Variants in FRMD4A observed in about 807,000 individuals in gnomAD.
FRMD4A encodes the protein FERM domain-containing protein 4A.
FRMD4A carries 29 observed loss-of-function variants against 129.1 expected under a neutral mutation model. The ratio of observed to expected loss-of-function variants is 0.22; its 90% CI spans 0.17 to 0.31. The LOEUF (loss-of-function observed/expected upper bound fraction) is 0.31, where lower values mean the gene tolerates loss of function less well. Among genes scored for constraint, FRMD4A ranks in the 10% least tolerant of loss-of-function variants. The probability of loss-of-function intolerance (pLI) is 1.00; values close to 1 mark genes in which losing one functional copy is unlikely to be tolerated. For synonymous variants in FRMD4A, 634 were observed against 571.6 expected (o/e 1.11, Z -1.56); for missense variants, 1,272 against 1,375.8 (o/e 0.92, Z 1.19).
At chr10:14,020,529 C>G (rs1832693772) in intron 2 of FRMD4A, among the ~76,000 whole-genome samples, 1 of 152,212 alleles carries the variant, frequency 6.6e-6, no homozygotes, top group Admixed American at 6.5e-5. Flanking sequence ...CCCAGCAAGA[C>G]TGGGAGAGGA....
chr10:13,796,943 C>T (rs1469304846), intron 4 of FRMD4A, among the ~76,000 whole-genome samples: 1 of 152,178 alleles, frequency 6.6e-6, no homozygotes, highest in African/African-American at 2.4e-5. Context: ...TGGTCTCAAA[C>T]TCCTGACCTC....
intron 2 of FRMD4A, among the ~76,000 whole-genome samples, chr10:14,168,061 T>C (rs1354580742): frequency 6.6e-6 from 1 of 152,156 alleles, no homozygotes; most frequent in African/African-American, 2.4e-5. Context: ...TCTCAGGTGA[T>C]TGGAAGGCTA....
chr10:13,760,841 C>G (rs187074675), intron 8 of FRMD4A, among the ~76,000 whole-genome samples: 1 of 149,128 alleles, frequency 6.7e-6, no homozygotes, highest in African/African-American at 2.5e-5. Flanking sequence ...GCCTCTAAAC[C>G]TTGATTCTCC....
intron 2 of FRMD4A, among the ~76,000 whole-genome samples, chr10:14,185,665 CAGAT>C (rs762502917): frequency 1.3e-5 from 2 of 151,988 alleles, no homozygotes; most frequent in Non-Finnish European, 2.9e-5. Context: ...GTTAGCTGTG[CAGAT>C]GAGCAGAAGA....
At chr10:13,790,715 C>T (rs2092980863) in intron 5 of FRMD4A, among the ~76,000 whole-genome samples, 2 of 151,874 alleles carry the variant, frequency 1.3e-5, no homozygotes, top group South Asian at 4.2e-4. Flanking sequence ...ACGATGGCAC[C>T]AGAAGCTGGA....
chr10:13,921,665 G>A (rs2095074834), intron 2 of FRMD4A, among the ~76,000 whole-genome samples: 1 of 152,112 alleles, frequency 6.6e-6, no homozygotes, highest in African/African-American at 2.4e-5. Flanking sequence ...CAGGACCTTG[G>A]GGGCTAGGTT....
intron 2 of FRMD4A, among the ~76,000 whole-genome samples, chr10:14,323,534 C>T (rs1221392033): frequency 6.6e-6 from 1 of 152,174 alleles, no homozygotes; most frequent in Non-Finnish European, 1.5e-5. Context: ...TGCAGATTAC[C>T]TATCATGGTA....
rs149911290 is a variant in FRMD4A at position 13,707,875 on chromosome 10, G to A, written c.760-762C>T. 1,261 of 985,322 alleles carry A rather than the reference G, an allele frequency of 1.3e-3. 16 individuals carry two copies. The African/African-American group carries it at 0.021, about 16-fold the overall frequency. The allele number at this position is 985,322 out of a possible 1,614,324, so 61.0% of individuals were successfully genotyped here. A position where few individuals can be genotyped will look rare whatever the true frequency, so the allele number is the denominator to read the frequency against. ...GGGCCCTGGCGGTCATTCCTCCTTCGGACCAGTGAGCTCGTTAACTGAGAA... is the reference window on the plus strand; with the variant it reads ...GGGCCCTGGCGGTCATTCCTCCTTCAGACCAGTGAGCTCGTTAACTGAGAA... On this transcript the variant is annotated intron_variant, in intron 12 of 24. Coordinates refer to ENST00000357447, the MANE Select transcript of FRMD4A (RefSeq NM_018027.5).
At chr10:14,220,807 TGTGTTTGTGTGTGTG>T (rs1564396363) in intron 2 of FRMD4A, among the ~76,000 whole-genome samples, 3 of 104,474 alleles carry the variant, frequency 2.9e-5, no homozygotes, top group African/African-American at 6.4e-5. Flanking sequence ...TGTGTGTGTG[TGTGTTTGTGTGTGTG>T]TGTGTGTGTG....
chr10:13,782,422 CATTATT>C (rs34523427), intron 6 of FRMD4A, among the ~76,000 whole-genome samples: 3 of 146,320 alleles, frequency 2.1e-5, no homozygotes, highest in Non-Finnish European at 3.0e-5. Context: ...AAAGGAATCA[CATTATT>C]ATTATTATTA....
Position 13,925,151 on chromosome 10 carries a change from A to C in FRMD4A, c.46-66239T>G, listed in dbSNP as rs191822360. On this transcript the variant is annotated intron_variant, in intron 2 of 24. Transcript: ENST00000357447. ...TACAGGCTGCAATTGTGGTGGCACA[A>C]TGGGCAAGATCTGCACTTACTTCTT... 4.3e-3 allele frequency among the ~76,000 whole-genome samples: 652 copies of C among 151,940 alleles called. 7 individuals carry two copies. The highest frequency in any genetic ancestry group is 0.015 in the African/African-American group (625 of 41,478).
At chr10:13,994,121 G>A (rs887854278) in intron 2 of FRMD4A, among the ~76,000 whole-genome samples, 2 of 147,296 alleles carry the variant, frequency 1.4e-5, no homozygotes. Flanking sequence ...CGATTCTGCT[G>A]TCTCAGCCTC....
chr10:13,721,875 A>G (rs74769971), intron 12 of FRMD4A, among the ~76,000 whole-genome samples: 1,579 of 152,332 alleles, frequency 0.01, 29 homozygotes, highest in African/African-American at 0.034. Flanking sequence ...AAAAATACAC[A>G]CACACATACA....
At chr10:13,871,204 G>A (rs142214444) in intron 2 of FRMD4A, 2,460 of 166,302 alleles carry the variant, frequency 0.015, 34 homozygotes, top group Admixed American at 0.026. Context: ...AGGCACTCAC[G>A]CTGTTTCTTT....
At chr10:13,832,003 G>A (rs1015027503) in intron 3 of FRMD4A, among the ~76,000 whole-genome samples, 8 of 152,280 alleles carry the variant, frequency 5.3e-5, no homozygotes, top group African/African-American at 1.9e-4. Context: ...TCCTCTGTCA[G>A]AGTGGAGGGA....
intron 2 of FRMD4A, among the ~76,000 whole-genome samples, chr10:13,860,939 C>T (rs1248392165): frequency 6.6e-6 from 1 of 152,208 alleles, no homozygotes; most frequent in Non-Finnish European, 1.5e-5. Context: ...TCGTTTCTCT[C>T]ATGCGCCACG....
rs74459258 is a variant in FRMD4A, at chr10:14,199,281, A to ATTTT, written c.45+130773_45+130776dup. Among the ~76,000 whole-genome samples the ATTTT allele has an allele frequency of 4.3e-4, 27 of 63,162 alleles. No homozygotes were observed. The Admixed American group carries it at 6.1e-3, about 14-fold the overall frequency. 41.4% of individuals were successfully genotyped at this position (63,162 alleles called of 152,430 possible). On this transcript the variant is annotated intron_variant, in intron 2 of 24. Transcript: ENST00000357447. ...CTACTGCTTGATTTTTAAGTGTCTT[A>ATTTT]TTTTATTTATTTATTTATTTATTTA...
intron 2 of FRMD4A, among the ~76,000 whole-genome samples, chr10:13,893,312 G>A (rs984269804): frequency 6.6e-6 from 1 of 152,082 alleles, no homozygotes; most frequent in Non-Finnish European, 1.5e-5. Context: ...AGCCAGGTTC[G>A]AATGGGATTC....
At chr10:13,741,984 G>A (rs1163871773) in intron 9 of FRMD4A, among the ~76,000 whole-genome samples, 1 of 152,190 alleles carries the variant, frequency 6.6e-6, no homozygotes, top group Non-Finnish European at 1.5e-5. Context: ...AGCCTCCTGA[G>A]TAGCTGGGAT....
Sources: gnomAD v4.1 joint callset for allele counts (sites outside exome capture counted in the v4.1 genomes callset) on GRCh38, gnomAD v4.1.1 for gene constraint, MANE v1.5 for transcripts, NCBI Gene and HGNC (gene_info 2026-07-23, HGNC 2026-07-21) for gene names.